The following TRPM7 variants were observed in gnomAD, a reference collection of about 807,000 sequenced individuals.
TRPM7 encodes transient receptor potential cation channel subfamily M member 7.
A neutral mutation model predicts 229.7 loss-of-function variants in TRPM7; 134 were observed. The observed-to-expected ratio is 0.58, with a 90% confidence interval of 0.51 to 0.67. TRPM7 has a LOEUF of 0.67. TRPM7 is among the 30% of genes least tolerant of loss of function. The pLI is 0.00. For synonymous variants in TRPM7, 699 were observed against 715.2 expected (o/e 0.98, Z 0.36); for missense variants, 1,901 against 2,210.0 (o/e 0.86, Z 2.80).
chr15:50,593,534 T>C, intron 25 of TRPM7, 83 bp downstream of exon 25: 7 of 1,412,980 alleles, frequency 5.0e-6, no homozygotes, highest in Non-Finnish European at 6.8e-6. Context: ...ACAAAATAAA[T>C]TTAACAATGA....
chr15:50,612,275 G>A (rs1027294870), intron 16 of TRPM7, among the ~76,000 whole-genome samples: 1 of 152,132 alleles, frequency 6.6e-6, no homozygotes, highest in African/African-American at 2.4e-5. Context: ...ATTTCATGTA[G>A]AGACGGGGTC....
At chr15:50,638,806 C>T (rs1415656538) in intron 6 of TRPM7, among the ~76,000 whole-genome samples, 1 of 152,070 alleles carries the variant, frequency 6.6e-6, no homozygotes, top group East Asian at 1.9e-4. Context: ...CCGCCTCAGC[C>T]TCCCAAGTAG....
At chr15:50,577,589 T>C (rs1164350934) in intron 31 of TRPM7, among the ~76,000 whole-genome samples, 1 of 151,902 alleles carries the variant, frequency 6.6e-6, no homozygotes, top group Non-Finnish European at 1.5e-5. Context: ...AATAGAACAT[T>C]GATGAGAAGC....
intron 27 of TRPM7, among the ~76,000 whole-genome samples, chr15:50,587,280 T>C (rs2059368205): frequency 2.6e-5 from 4 of 152,098 alleles, no homozygotes; most frequent in South Asian, 2.1e-4. Flanking sequence ...AGATTTCAAT[T>C]TGTATTTCAA....
chr15:50,616,960 G>C (rs1355972931), intron 13 of TRPM7, among the ~76,000 whole-genome samples: 1 of 151,854 alleles, frequency 6.6e-6, no homozygotes, highest in African/African-American at 2.4e-5. Flanking sequence ...AATGAATTTT[G>C]TAATTTGTGA....
At chr15:50,658,549 G>A (rs531945861) in intron 2 of TRPM7, among the ~76,000 whole-genome samples, 1 of 150,612 alleles carries the variant, frequency 6.6e-6, no homozygotes, top group Admixed American at 6.6e-5. Flanking sequence ...TCCAGCCTGG[G>A]CGAAAGAGCG....
At chr15:50,656,100 T>C (rs1049241027) in intron 3 of TRPM7, among the ~76,000 whole-genome samples, 1 of 151,476 alleles carries the variant, frequency 6.6e-6, no homozygotes, top group African/African-American at 2.4e-5. Context: ...ATAAAAGAAA[T>C]ATATTTTCAG....
chr15:50,681,011 G>A lies in TRPM7; in HGVS notation c.3+5520C>T, dbSNP rs138569913. On this transcript the variant is annotated intron_variant, in intron 1 of 38. Transcript: ENST00000646667. ...CTCATGCCTGTAATCCCAGCACTTTGGGAGGCCAAGGCGGGCAGATCACGA... is the reference window on the plus strand; with the variant it reads ...CTCATGCCTGTAATCCCAGCACTTTAGGAGGCCAAGGCGGGCAGATCACGA... 4.5e-3 allele frequency among the ~76,000 whole-genome samples: 678 copies of A among 152,220 alleles called. 6 individuals carry two copies. Among genetic ancestry groups the A allele is most frequent in the African/African-American group, 0.016 (644 of 41,530 alleles).
intron 36 of TRPM7, among the ~76,000 whole-genome samples, chr15:50,573,250 A>G (rs964974887): frequency 6.6e-6 from 1 of 152,210 alleles, no homozygotes; most frequent in African/African-American, 2.4e-5. Context: ...AAAATGTGGC[A>G]GAAGGCATCT....
intron 38 of TRPM7, among the ~76,000 whole-genome samples, chr15:50,566,764 G>C (rs1197345439): frequency 6.6e-6 from 1 of 151,642 alleles, no homozygotes; most frequent in Non-Finnish European, 1.5e-5. Context: ...ACTAGAAAAA[G>C]AACAAACTAC....
intron 5 of TRPM7, among the ~76,000 whole-genome samples, 175 bp downstream of exon 5, chr15:50,643,165 T>C (rs1415693095): frequency 6.6e-6 from 1 of 152,100 alleles, no homozygotes; most frequent in Admixed American, 6.5e-5. Context: ...GGCGCAGGCC[T>C]GTAATCCCAG....
At position 50,592,338 on chromosome 15, in the gene TRPM7, G is replaced by C. The variant is rs1305626560; in HGVS notation, c.3897C>G (p.Ser1299Arg). Residue 1299 changes from serine to arginine, a missense_variant, in exon 26 of 39, where the codon AGC becomes AGG. This residue lies in a region of TRPM7 where 533 missense variants were observed against 497.1 expected (regional missense o/e 1.07). Transcript: ENST00000646667. ...WKKHGVVNTL[S>R]SSLPQGDLES... ...CAAGATCACCTTGAGGAAGAGAGGAGCTAAGTGTATTTACAACACCATGCT... is the reference window on the plus strand; with the variant it reads ...CAAGATCACCTTGAGGAAGAGAGGACCTAAGTGTATTTACAACACCATGCT... 1.2e-6 allele frequency: 2 copies of C among 1,614,072 alleles called. No individual in the cohort carries two copies. Among genetic ancestry groups the C allele is most frequent in the African/African-American group, 2.7e-5 (2 of 75,024 alleles).
intron 13 of TRPM7, among the ~76,000 whole-genome samples, chr15:50,619,329 T>C (rs952943799): frequency 1.3e-5 from 2 of 151,322 alleles, no homozygotes; most frequent in African/African-American, 4.9e-5. Flanking sequence ...CAAGTGATCC[T>C]CCCACCTCAG....
chr15:50,561,839 A>C lies in TRPM7; in HGVS notation c.5468-31T>G, dbSNP rs201752958. On this transcript the variant is annotated intron_variant, in intron 38 of 38. Transcript: ENST00000646667. The stretch of plus-strand genomic sequence containing the variant: ...TTGAACACCCACAACAATTAAAAAA[A>C]AAAAAGAAAGAGAAAAGAAAAAAGT... 4.5e-4 allele frequency: 680 copies of C among 1,506,978 alleles called. 3 individuals carry two copies. In the African/African-American group the frequency reaches 8.9e-3, roughly 20 times the overall value. The allele number at this position is 1,506,978 out of a possible 1,614,324, so 93.4% of individuals were successfully genotyped here.
intron 21 of TRPM7, chr15:50,604,641 C>T (rs2059874950): frequency 2.8e-6 from 1 of 351,830 alleles, no homozygotes; most frequent in East Asian, 4.6e-5. Flanking sequence ...CAGACATAAA[C>T]CATAGATGGT....
chr15:50,578,212 C>T (rs1248378864), intron 31 of TRPM7, among the ~76,000 whole-genome samples: 1 of 152,118 alleles, frequency 6.6e-6, no homozygotes, highest in African/African-American at 2.4e-5. Context: ...AAAAGGTTGA[C>T]AAAGTAATGG....
At chr15:50,590,874 T>C (rs2059472605) in intron 26 of TRPM7, among the ~76,000 whole-genome samples, 1 of 151,872 alleles carries the variant, frequency 6.6e-6, no homozygotes, top group Non-Finnish European at 1.5e-5. Context: ...AAAAGTTATA[T>C]CTATGTATCT....
At chr15:50,613,027 A>C (rs903636368) in intron 15 of TRPM7, among the ~76,000 whole-genome samples, 198 bp from the exon 16 acceptor site, 7 of 152,220 alleles carry the variant, frequency 4.6e-5, no homozygotes, top group Non-Finnish European at 2.9e-5. Context: ...ATGCCTTTGC[A>C]ATAAACATTT....
rs55970334 is a variant in TRPM7, at chr15:50,592,317, A to T, written c.3918T>A (p.Asp1306Glu). ...NTLSSSLPQG[D>E]LESNNPFHCN... ...AATGAAAAGGATTATTACTTTCAAG[A>T]TCACCTTGAGGAAGAGAGGAGCTAA... Residue 1306 changes from aspartate to glutamate, a missense_variant, in exon 26 of 39, where the codon GAT becomes GAA. By Grantham distance (45) the Asp-to-Glu change is conservative. Coordinates refer to ENST00000646667, the MANE Select transcript of TRPM7 (RefSeq NM_017672.6). 2 of 1,613,962 alleles carry T rather than the reference A, an allele frequency of 1.2e-6. No homozygotes were observed. The highest frequency in any genetic ancestry group is 8.5e-7 in the Non-Finnish European group (1 of 1,179,928).
Sources: allele counts gnomAD v4.1 joint callset (sites outside exome capture counted in the v4.1 genomes callset), GRCh38; gene constraint gnomAD v4.1.1; regional missense constraint gnomAD v4.1.1; transcripts MANE v1.5; gene names NCBI Gene and HGNC (gene_info 2026-07-23, HGNC 2026-07-21).